The following PSD3 variants were observed in gnomAD, a reference collection of about 807,000 sequenced individuals.
PSD3 encodes PH and SEC7 domain-containing protein 3.
A neutral mutation model predicts 105.5 loss-of-function variants in PSD3; 49 were observed. That is an observed-to-expected ratio of 0.46 (90% CI 0.37 to 0.59). The LOEUF (loss-of-function observed/expected upper bound fraction) is 0.59, where lower values mean the gene tolerates loss of function less well. Ranked by LOEUF, PSD3 falls within the 20% of genes least tolerant of loss-of-function variation. The pLI, the probability that PSD3 is intolerant of heterozygous loss-of-function variation, is 0.00. For synonymous variants in PSD3, 557 were observed against 457.8 expected (o/e 1.22, Z -2.77); for missense variants, 1,561 against 1,263.8 (o/e 1.24, Z -3.57).
chr8:18,832,740 C>T (rs192026390), intron 4 of PSD3, among the ~76,000 whole-genome samples: 2 of 152,292 alleles, frequency 1.3e-5, no homozygotes, highest in African/African-American at 2.4e-5. Flanking sequence ...TGGTGGAAGG[C>T]AGAGGAGGAG....
chr8:18,572,089 C>A (rs544456458), intron 14 of PSD3, among the ~76,000 whole-genome samples: 2 of 152,162 alleles, frequency 1.3e-5, no homozygotes, highest in African/African-American at 2.4e-5. Flanking sequence ...TAGGGCAGGC[C>A]ATTTCCCATT....
intron 4 of PSD3, among the ~76,000 whole-genome samples, chr8:18,834,021 TAAGGA>T (rs140818864): frequency 0.021 from 3,150 of 152,000 alleles, 53 homozygotes; most frequent in Middle Eastern, 0.059. Context: ...AAAACTAAAA[TAAGGA>T]AAGTACAAAA....
chr8:18,719,015 T>C (rs1802778279), intron 9 of PSD3, among the ~76,000 whole-genome samples: 2 of 152,106 alleles, frequency 1.3e-5, no homozygotes. Context: ...AATAAAGCAT[T>C]AAAGAATGTA....
chr8:18,963,222 T>A (rs1404161169), intron 1 of PSD3, among the ~76,000 whole-genome samples: 1 of 152,040 alleles, frequency 6.6e-6, no homozygotes, highest in Non-Finnish European at 1.5e-5. Context: ...TCCCACCAGG[T>A]CCCTCCTACA....
At chr8:19,011,803 G>A (rs892918587) in intron 1 of PSD3, among the ~76,000 whole-genome samples, 9 of 151,552 alleles carry the variant, frequency 5.9e-5, no homozygotes, top group Non-Finnish European at 1.0e-4. Flanking sequence ...ATTCAACCAC[G>A]GAATTTGGCC....
chr8:19,029,918 T>G (rs1448438672), intron 1 of PSD3, among the ~76,000 whole-genome samples: 1 of 152,238 alleles, frequency 6.6e-6, no homozygotes, highest in African/African-American at 2.4e-5. Flanking sequence ...ATCTTAATAA[T>G]GATTTTCTAC....
chr8:18,984,084 A>G (rs1252615399), intron 1 of PSD3, among the ~76,000 whole-genome samples: 1 of 151,662 alleles, frequency 6.6e-6, no homozygotes, highest in East Asian at 1.9e-4. Flanking sequence ...GAAAGTTTAA[A>G]ATATCGCAAG....
At chr8:19,084,636 C>T (rs933324152) in exon 1 of PSD3, 26 of 346,388 alleles carry the variant, frequency 7.5e-5, no homozygotes, top group South Asian at 2.4e-4. Flanking sequence ...GCAATCACCA[C>T]CCCTGCTTAC....
At chr8:18,566,439 T>C (rs1455835736) in intron 14 of PSD3, among the ~76,000 whole-genome samples, 2 of 148,560 alleles carry the variant, frequency 1.3e-5, no homozygotes, top group African/African-American at 5.0e-5. Context: ...GGCAGGAGAA[T>C]GGCATGAACC....
chr8:19,059,946 C>T (rs1828840651), intron 1 of PSD3, among the ~76,000 whole-genome samples: 1 of 152,202 alleles, frequency 6.6e-6, no homozygotes, highest in African/African-American at 2.4e-5. Flanking sequence ...TGGGGCAGGA[C>T]TTGGAAATCA....
At position 18,818,857 on chromosome 8, in the gene PSD3, A is replaced by G. The variant is rs556268749; in HGVS notation, c.1635-13959T>C. On this transcript the variant is annotated intron_variant, in intron 4 of 15. Transcript: ENST00000327040. ...TAACAGATTGTTAGAGTAAATTTAA[A>G]TAGGAATCCCCTTGGACTGATAAAT... Among the ~76,000 whole-genome samples the G allele has an allele frequency of 5.9e-5, 9 of 152,196 alleles. No individual in the cohort carries two copies. The South Asian group carries it at 1.9e-3, about 32-fold the overall frequency.
In PSD3 at chr8:18,945,770, G is replaced by A. The variant is rs560255256; in HGVS notation, c.22-9628C>T. 1.2e-4 allele frequency among the ~76,000 whole-genome samples: 18 copies of A among 152,328 alleles called. No individual in the cohort carries two copies. In the South Asian group the frequency reaches 3.7e-3, roughly 32 times the overall value. ...GTGGGCGGATTACTTGAGGTCAGGA[G>A]TTTGAGACCAGCCTGGTCAACATGG... On this transcript the variant is annotated intron_variant, in intron 1 of 15. Coordinates refer to ENST00000327040, the MANE Select transcript of PSD3 (RefSeq NM_015310.4).
intron 1 of PSD3, among the ~76,000 whole-genome samples, chr8:18,974,757 G>C (rs1306800233): frequency 6.6e-6 from 1 of 151,976 alleles, no homozygotes; most frequent in Admixed American, 6.6e-5. Context: ...GATCAGGCTG[G>C]GCTTGGGTTT....
At chr8:18,991,351 CAT>C (rs1563491833) in intron 1 of PSD3, among the ~76,000 whole-genome samples, 17,651 of 120,344 alleles carry the variant, frequency 0.15, 1,295 homozygotes, top group Non-Finnish European at 0.19. Flanking sequence ...CACACACACA[CAT>C]ACACACACAC....
At chr8:19,044,366 G>A (rs1263693703) in intron 1 of PSD3, among the ~76,000 whole-genome samples, 3 of 152,122 alleles carry the variant, frequency 2.0e-5, no homozygotes, top group African/African-American at 4.8e-5. Flanking sequence ...CTGGTGTAAT[G>A]CAAGAGCCTG....
At chr8:18,805,182 G>A (rs1444301163) in intron 4 of PSD3, among the ~76,000 whole-genome samples, 3 of 152,100 alleles carry the variant, frequency 2.0e-5, no homozygotes, top group East Asian at 1.9e-4. Context: ...TATACCTACC[G>A]ATATTTACCC....
At chr8:18,961,840 A>T (rs1020177921) in intron 1 of PSD3, among the ~76,000 whole-genome samples, 3 of 152,160 alleles carry the variant, frequency 2.0e-5, no homozygotes, top group African/African-American at 7.2e-5. Context: ...ATCCTGGCCA[A>T]AAGTATGTGT....
chr8:18,539,617 G>A (rs1240828272), intron 15 of PSD3, among the ~76,000 whole-genome samples: 1 of 148,658 alleles, frequency 6.7e-6, no homozygotes, highest in Admixed American at 6.8e-5. Flanking sequence ...GCGCGATCTC[G>A]GCTCACTGCA....
intron 4 of PSD3, among the ~76,000 whole-genome samples, chr8:18,856,306 G>A (rs1295966953): frequency 1.3e-5 from 2 of 152,112 alleles, no homozygotes; most frequent in Admixed American, 1.3e-4. Context: ...GCCTGTTTGG[G>A]AGACACCTTA....
Sources: allele counts gnomAD v4.1 joint callset (sites outside exome capture counted in the v4.1 genomes callset), GRCh38; gene constraint gnomAD v4.1.1; transcripts MANE v1.5; gene names NCBI Gene and HGNC (gene_info 2026-07-23, HGNC 2026-07-21).